The following SPHK2 variants were observed in gnomAD, a reference collection of about 807,000 sequenced individuals.
The protein encoded by SPHK2 is sphingosine kinase 2.
SPHK2 carries 18 observed loss-of-function variants against 32.3 expected under a neutral mutation model. The ratio of observed to expected loss-of-function variants is 0.56; its 90% CI spans 0.39 to 0.83. The LOEUF is 0.83. Ranked by LOEUF, SPHK2 falls within the 40% of genes least tolerant of loss-of-function variation. The probability of loss-of-function intolerance (pLI) is 0.00; values close to 1 mark genes in which losing one functional copy is unlikely to be tolerated. For missense variants in SPHK2, 850 were observed against 908.7 expected (o/e 0.94, Z 0.83); for synonymous variants, 462 against 417.6 (o/e 1.11, Z -1.30).
At chr19:48,626,924 G>A (rs572473075) in intron 3 of SPHK2, 47 of 149,246 alleles carry the variant, frequency 3.1e-4, no homozygotes, top group African/African-American at 1.1e-3. Context: ...ACCTGAGGTC[G>A]GGAGTTCGAG....
In SPHK2 at chr19:48,630,328, C is replaced by T; in HGVS notation, c.*555C>T. Reference sequence around the variant, plus strand: ...GGAAATTCATATCCCCTGTTCGTCTCATGCGCGTCCTCCGTCCCCAATCTA... The same window carrying T: ...GGAAATTCATATCCCCTGTTCGTCTTATGCGCGTCCTCCGTCCCCAATCTA... On this transcript the variant is annotated 3_prime_UTR_variant, in exon 7 of 7. Coordinates refer to ENST00000245222, the MANE Select transcript of SPHK2 (RefSeq NM_020126.5). The surrounding 1 kb of genome is among the most constrained non-coding windows in gnomAD (Gnocchi z 4.9). 2 of 1,309,962 alleles carry T rather than the reference C, an allele frequency of 1.5e-6. No homozygotes were observed. Among genetic ancestry groups the T allele is most frequent in the Non-Finnish European group, 1.9e-6 (2 of 1,030,490 alleles). The allele number at this position is 1,309,962 out of a possible 1,614,324, so 81.1% of individuals were successfully genotyped here.
intron 2 of SPHK2, chr19:48,624,978 A>C: frequency 1.0e-6 from 1 of 987,180 alleles, no homozygotes; most frequent in South Asian, 4.7e-5. Flanking sequence ...CGAAAGGAGG[A>C]GGCAGAATCC....
chr19:48,628,012 G>T lies in SPHK2; in HGVS notation c.699G>T (p.Leu233=). 1 of 1,596,322 alleles carries T rather than the reference G, an allele frequency of 6.3e-7. No individual in the cohort carries two copies. The highest frequency in any genetic ancestry group is 8.6e-7 in the Non-Finnish European group (1 of 1,168,360). Residue 233 remains leucine (L), a synonymous_variant, in exon 5 of 7, where the codon CTG becomes CTT. Coordinates refer to ENST00000245222, the MANE Select transcript of SPHK2 (RefSeq NM_020126.5). This position sits in a 1 kb window ranked among gnomAD's most constrained non-coding sequence, Gnocchi z 5.2. ...QNHARELVQG[L]SLSEWDGIVT... ...ACGCCCGGGAGCTGGTCCAGGGGCT[G>T]AGCCTGAGTGAGTGGGATGGCATCG...
rs777101506 is a variant in SPHK2 at position 48,629,781 on chromosome 19, C to A, written c.*8C>A. 3.2e-6 allele frequency: 5 copies of A among 1,557,000 alleles called. No individual in the cohort carries two copies. In the South Asian group the frequency reaches 3.5e-5, roughly 11 times the overall value. ...CCGGGGCGGGAGCCCTGAAACTAAA[C>A]AAGCTTGGTACCCGCCGGGGGCGGG... On this transcript the variant is annotated 3_prime_UTR_variant, in exon 7 of 7. Coordinates refer to ENST00000245222, the MANE Select transcript of SPHK2 (RefSeq NM_020126.5).
In SPHK2 at chr19:48,628,828, G is replaced by A. The variant is rs1157610967; in HGVS notation, c.1020G>A (p.Val340=). 8 of 1,613,632 alleles carry A rather than the reference G, an allele frequency of 5.0e-6. No individual in the cohort carries two copies. Among genetic ancestry groups the A allele is most frequent in the Non-Finnish European group, 6.8e-6 (8 of 1,180,028 alleles). ...TCCTGTCTGTGGCCTGGGGCTTCGT[G>A]TCAGATGTGGATATCCAGAGCGAGC... ...FSFLSVAWGF[V]SDVDIQSERF... Residue 340 remains valine, a synonymous_variant, in exon 7 of 7, where the codon GTG becomes GTA. Coordinates refer to ENST00000245222, the MANE Select transcript of SPHK2 (RefSeq NM_020126.5). This position sits in a 1 kb window ranked among gnomAD's most constrained non-coding sequence, Gnocchi z 5.2.
In SPHK2 at chr19:48,629,760, G is replaced by A. The variant is rs1340571855; in HGVS notation, c.1952G>A (p.Gly651Glu). The A allele has an allele frequency of 6.4e-7, 1 of 1,573,992 alleles. No individual in the cohort carries two copies. The highest frequency in any genetic ancestry group is 1.4e-5 in the African/African-American group (1 of 73,778). The change falls in exon 7 of 7, where the codon GGG (glycine) becomes GAG (glutamate). Residue 651 changes from glycine to glutamate, a missense_variant. Coordinates refer to ENST00000245222, the MANE Select transcript of SPHK2 (RefSeq NM_020126.5). ...TLLTGPPGCP[G>E]REP is the part of the protein sequence containing the mutation. ...CTCACTGGGCCTCCTGGCTGCCCGGGGCGGGAGCCCTGAAACTAAACAAGC... is the reference window on the plus strand; with the variant it reads ...CTCACTGGGCCTCCTGGCTGCCCGGAGCGGGAGCCCTGAAACTAAACAAGC...
chr19:48,622,269 A>T (rs1006870844), intron 2 of SPHK2, among the ~76,000 whole-genome samples: 2 of 146,660 alleles, frequency 1.4e-5, no homozygotes, highest in South Asian at 2.2e-4. Flanking sequence ...AAAAAAAAAA[A>T]AAATAAAAAA....
chr19:48,628,104 C>T lies in SPHK2; in HGVS notation c.756+35C>T, dbSNP rs372795593. 1.9e-6 allele frequency: 3 copies of T among 1,582,414 alleles called. No homozygotes were observed. The African/African-American group carries it at 4.1e-5, about 21-fold the overall frequency. ...GAGCACCCTGCCCCTAGCCCTGGGC[C>T]CTGGGGGACTATAGAGACTGCCACC... On this transcript the variant is annotated intron_variant, in intron 5 of 6. Transcript: ENST00000245222. This position sits in a 1 kb window ranked among gnomAD's most constrained non-coding sequence, Gnocchi z 5.2.
Position 48,628,513 on chromosome 19 carries a change from AC to A in SPHK2, c.873-166del. The A allele has an allele frequency of 1.1e-6, 1 of 918,200 alleles. No individual in the cohort carries two copies. Among genetic ancestry groups the A allele is most frequent in the Non-Finnish European group, 1.7e-6 (1 of 572,124 alleles). 56.9% of individuals were successfully genotyped at this position (918,200 alleles called of 1,614,324 possible). On this transcript the variant is annotated intron_variant, in intron 6 of 6. Transcript: ENST00000245222. This position sits in a 1 kb window ranked among gnomAD's most constrained non-coding sequence, Gnocchi z 5.2. ...AATTGTAGGGAGCAAATGAAAGATGACCAGGAACCTGGCCCCGTAAGGAGTC... is the reference window on the plus strand; with the variant it reads ...AATTGTAGGGAGCAAATGAAAGATGACAGGAACCTGGCCCCGTAAGGAGTC...
Position 48,629,456 on chromosome 19 carries a change from G to A in SPHK2, c.1648G>A (p.Gly550Ser), listed in dbSNP as rs140390393. ...LMLAISPSHL[G>S]ADLVAAPHAR... is the part of the protein sequence containing the mutation. ...GTTGGCCATCTCGCCCAGCCACCTA[G>A]GCGCTGACCTGGTGGCAGCTCCGCA... The change falls in exon 7 of 7, where the codon GGC (glycine) becomes AGC (serine). Residue 550 changes from glycine to serine, a missense_variant. Physicochemically the swap from Gly to Ser is moderately conservative, Grantham distance 56. Coordinates refer to ENST00000245222, the MANE Select transcript of SPHK2 (RefSeq NM_020126.5). 141 of 1,608,686 alleles carry A rather than the reference G, an allele frequency of 8.8e-5. No homozygotes were observed. The highest frequency in any genetic ancestry group is 1.1e-4 in the Non-Finnish European group (128 of 1,178,614).
chr19:48,625,230 C>T, intron 2 of SPHK2: 1 of 1,072,936 alleles, frequency 9.3e-7, no homozygotes, highest in Non-Finnish European at 1.1e-6. Flanking sequence ...TCCACTCTGT[C>T]TTGCCTTTCT....
chr19:48,625,174 C>T (rs932556079), intron 2 of SPHK2: 2 of 1,021,808 alleles, frequency 2.0e-6, no homozygotes, highest in Non-Finnish European at 2.3e-6. Flanking sequence ...CCCTTCTCTC[C>T]AGCTGTCTCC....
chr19:48,629,501 C>A lies in SPHK2; in HGVS notation c.1693C>A (p.Leu565Met). 6.2e-7 allele frequency: 1 copy of A among 1,607,466 alleles called. No individual in the cohort carries two copies. The highest frequency in any genetic ancestry group is 1.7e-5 in the Admixed American group (1 of 59,500). ...TCCGCATGCGCGCTTCGACGACGGC[C>A]TGGTGCACCTGTGCTGGGTGCGTAG... ...AAPHARFDDG[L>M]VHLCWVRSGI... The change falls in exon 7 of 7, where the codon CTG becomes ATG. Residue 565 changes from leucine (L) to methionine (M), a missense_variant. Physicochemically the swap from Leu to Met is conservative, Grantham distance 15. Around this residue, in one of 2 missense-constraint regions of SPHK2, gnomAD observed 306 missense variants for 268.6 expected, o/e 1.14. Transcript: ENST00000245222.
chr19:48,626,515 G>A, intron 3 of SPHK2, 153 bp downstream of exon 3: 2 of 1,029,668 alleles, frequency 1.9e-6, no homozygotes, highest in Non-Finnish European at 2.7e-6. Context: ...GGCTACAGAA[G>A]GAACAAAAAG....
At position 48,628,864 on chromosome 19, in the gene SPHK2, C is replaced by T; in HGVS notation, c.1056C>T (p.Ala352=). 1 of 1,613,804 alleles carries T rather than the reference C, an allele frequency of 6.2e-7. No individual in the cohort carries two copies. Among genetic ancestry groups the T allele is most frequent in the Non-Finnish European group, 8.5e-7 (1 of 1,180,024 alleles). ...ATATCCAGAGCGAGCGCTTCAGGGC[C>T]TTGGGCAGTGCCCGCTTCACACTGG... ...DVDIQSERFR[A]LGSARFTLGT... Residue 352 remains alanine (A), a synonymous_variant, in exon 7 of 7, where the codon GCC becomes GCT. Coordinates refer to ENST00000245222, the MANE Select transcript of SPHK2 (RefSeq NM_020126.5). The surrounding 1 kb of genome is among the most constrained non-coding windows in gnomAD (Gnocchi z 5.2).
Sources: gnomAD v4.1 joint callset for allele counts (sites outside exome capture counted in the v4.1 genomes callset) on GRCh38, gnomAD v4.1.1 for gene constraint, gnomAD v4.1.1 regional missense constraint, Gnocchi (gnomAD v3.1) non-coding constraint, MANE v1.5 for transcripts, NCBI Gene and HGNC (gene_info 2026-07-23, HGNC 2026-07-21) for gene names.